CLASP1: variants seen among roughly 807,000 people sequenced by gnomAD.
CLASP1 encodes cytoplasmic linker associated protein 1.
Under a neutral mutation model 192.3 loss-of-function variants are expected in CLASP1, and 38 were observed. That is an observed-to-expected ratio of 0.20 (90% CI 0.15 to 0.26). The LOEUF (loss-of-function observed/expected upper bound fraction) is 0.26, where lower values mean the gene tolerates loss of function less well. CLASP1 is among the 10% of genes least tolerant of loss of function. The pLI is 1.00. For missense variants in CLASP1, 1,433 were observed against 1,932.5 expected, an observed-to-expected ratio of 0.74 and a Z score of 4.85; for synonymous variants, 691 against 712.8, an observed-to-expected ratio of 0.97 and a Z score of 0.49.
chr2:121,481,777 G>A lies in CLASP1; in HGVS notation c.713-11817C>T, dbSNP rs890679408. ...GGATACCGCCTCTGAATACCAATAG[G>A]TGACCATGTGCATCTTCCTTCTTCT... On this transcript the variant is annotated intron_variant, in intron 8 of 39. Coordinates refer to ENST00000263710, the Ensembl canonical transcript of CLASP1. Among the ~76,000 whole-genome samples, 24 of 152,262 alleles carry A rather than the reference G, an allele frequency of 1.6e-4. 1 individual carries two copies. The highest frequency in any genetic ancestry group is 5.8e-4 in the African/African-American group (24 of 41,540).
At position 121,481,630 on chromosome 2, in the gene CLASP1, G is replaced by C. The variant is rs539749042; in HGVS notation, c.713-11670C>G. Among the ~76,000 whole-genome samples, 6 of 152,332 alleles carry C rather than the reference G, an allele frequency of 3.9e-5. No individual in the cohort carries two copies. The South Asian group carries it at 1.2e-3, about 32-fold the overall frequency. On this transcript the variant is annotated intron_variant, in intron 8 of 39. Coordinates refer to ENST00000263710, the Ensembl canonical transcript of CLASP1. The stretch of plus-strand genomic sequence containing the variant: ...TGTAACTTGGAAGTTCAAGTCCAGA[G>C]CACAGGGTCACCTTACAGGTGATTT...
At chr2:121,594,934 T>C (rs553709924) in intron 2 of CLASP1, among the ~76,000 whole-genome samples, 74 of 152,176 alleles carry the variant, frequency 4.9e-4, no homozygotes, top group South Asian at 6.2e-4. Flanking sequence ...GGTTTTCACA[T>C]GTCTGAATAT....
chr2:121,609,668 C>T (rs1013875775), intron 1 of CLASP1, among the ~76,000 whole-genome samples: 1 of 152,176 alleles, frequency 6.6e-6, no homozygotes, highest in South Asian at 2.1e-4. Context: ...AATGGCCGGG[C>T]GCAGTGGCTC....
At chr2:121,566,185 G>A (rs564939601) in intron 2 of CLASP1, among the ~76,000 whole-genome samples, 18 of 152,296 alleles carry the variant, frequency 1.2e-4, no homozygotes, top group Admixed American at 3.3e-4. Context: ...CACAAGAGGG[G>A]GTAGATGTGT....
At chr2:121,383,941 T>C (rs1331625528) in intron 32 of CLASP1, among the ~76,000 whole-genome samples, 1 of 150,474 alleles carries the variant, frequency 6.6e-6, no homozygotes, top group Non-Finnish European at 1.5e-5. Flanking sequence ...ATCTACAGCA[T>C]CTCTACTACT....
Position 121,427,394 on chromosome 2 carries a change from A to C in CLASP1, c.2044+10T>G. 6.2e-7 allele frequency: 1 copy of C among 1,612,750 alleles called. No homozygotes were observed. The highest frequency in any genetic ancestry group is 8.5e-7 in the Non-Finnish European group (1 of 1,179,462). On this transcript the variant is annotated intron_variant, in intron 21 of 39. Coordinates refer to ENST00000263710, the Ensembl canonical transcript of CLASP1. ...AACAACAAAAAAAGGCAAGAAGAGA[A>C]ATGGCTTACCACCAGCAGGATTAGC...
chr2:121,626,004 C>G (rs947618502), intron 1 of CLASP1, among the ~76,000 whole-genome samples: 1 of 150,636 alleles, frequency 6.6e-6, no homozygotes, highest in Non-Finnish European at 1.5e-5. Flanking sequence ...GAGGCTGAGG[C>G]AAGAGAATCA....
At chr2:121,616,733 T>TA (rs1316539726) in intron 1 of CLASP1, among the ~76,000 whole-genome samples, 2 of 152,194 alleles carry the variant, frequency 1.3e-5, no homozygotes, top group Non-Finnish European at 2.9e-5. Context: ...AGTCTGTTCT[T>TA]AGTCTACCTG....
intron 6 of CLASP1, among the ~76,000 whole-genome samples, chr2:121,519,152 G>T (rs548332237): frequency 6.6e-6 from 1 of 152,284 alleles, no homozygotes; most frequent in South Asian, 2.1e-4. Context: ...GGCCATTTAG[G>T]GAGCTGTGTA....
intron 21 of CLASP1, 92 bp from the exon 22 acceptor site, chr2:121,425,398 G>T: frequency 9.3e-7 from 1 of 1,077,592 alleles, no homozygotes; most frequent in Middle Eastern, 2.1e-4. Context: ...ACATTAATTT[G>T]GCTAAAATAC....
At chr2:121,430,958 T>C (rs1344893442) in intron 19 of CLASP1, among the ~76,000 whole-genome samples, 1 of 150,480 alleles carries the variant, frequency 6.6e-6, no homozygotes. Flanking sequence ...CAGACTAGTA[T>C]GATTAGCGAT....
intron 8 of CLASP1, among the ~76,000 whole-genome samples, chr2:121,487,564 C>T (rs190373303): frequency 6.6e-6 from 1 of 152,270 alleles, no homozygotes; most frequent in Admixed American, 6.5e-5. Context: ...GTTTCTCAGA[C>T]TTTGTTTTCA....
At chr2:121,508,205 A>G (rs184022651) in intron 7 of CLASP1, among the ~76,000 whole-genome samples, 3 of 152,248 alleles carry the variant, frequency 2.0e-5, no homozygotes, top group Admixed American at 2.0e-4. Flanking sequence ...CTTATAATGT[A>G]TAAAGATGTA....
At chr2:121,628,723 A>T (rs2068866751) in intron 1 of CLASP1, among the ~76,000 whole-genome samples, 1 of 151,962 alleles carries the variant, frequency 6.6e-6, no homozygotes, top group South Asian at 2.1e-4. Context: ...TAAACACTTT[A>T]ATGCACTGCT....
chr2:121,384,708 C>A (rs2072787540), intron 32 of CLASP1, among the ~76,000 whole-genome samples: 1 of 152,088 alleles, frequency 6.6e-6, no homozygotes, highest in African/African-American at 2.4e-5. Flanking sequence ...GTTCGAGACT[C>A]CGTTTCTACT....
chr2:121,485,375 C>A (rs1274250627), intron 8 of CLASP1, among the ~76,000 whole-genome samples: 1 of 152,240 alleles, frequency 6.6e-6, no homozygotes, highest in Non-Finnish European at 1.5e-5. Context: ...ACCCTCATGG[C>A]CACCAGCATA....
chr2:121,418,534 G>A, intron 23 of CLASP1, 88 bp downstream of exon 23: 2 of 886,246 alleles, frequency 2.3e-6, no homozygotes, highest in South Asian at 2.8e-5. Context: ...CAGTAGAGGA[G>A]GAAAAGCAGG....
At chr2:121,409,806 T>C (rs1232290352) in intron 24 of CLASP1, among the ~76,000 whole-genome samples, 1 of 152,192 alleles carries the variant, frequency 6.6e-6, no homozygotes, top group Non-Finnish European at 1.5e-5. Flanking sequence ...GTTAGAGCAG[T>C]TACCCTGAAC....
intron 26 of CLASP1, 28 bp from the exon 28 acceptor site, chr2:121,401,898 C>G (rs773686774): frequency 2.5e-5 from 17 of 693,510 alleles, no homozygotes; most frequent in Middle Eastern, 2.4e-4. Flanking sequence ...GCAAACGAGG[C>G]CATGCAACAA....
Sources: gnomAD v4.1 joint callset for allele counts (sites outside exome capture counted in the v4.1 genomes callset) on GRCh38, gnomAD v4.1.1 for gene constraint, MANE v1.5 for transcripts, NCBI Gene and HGNC (gene_info 2026-07-23, HGNC 2026-07-21) for gene names.